Variants in NEGR1 observed in about 807,000 individuals in gnomAD.
NEGR1 encodes neuronal growth regulator 1.
Under a neutral mutation model 40.9 loss-of-function variants are expected in NEGR1, and 10 were observed. The ratio of observed to expected loss-of-function variants is 0.24; its 90% CI spans 0.15 to 0.42. The LOEUF is 0.42. Ranked by LOEUF, NEGR1 falls within the 10% of genes least tolerant of loss-of-function variation. The pLI, the probability that NEGR1 is intolerant of heterozygous loss-of-function variation, is 1.00. For missense variants in NEGR1, 352 were observed against 438.9 expected, an observed-to-expected ratio of 0.80 and a Z score of 1.77; for synonymous variants, 185 against 166.8, an observed-to-expected ratio of 1.11 and a Z score of -0.84.
At chr1:72,027,663 G>A (rs1439578793) in intron 1 of NEGR1, among the ~76,000 whole-genome samples, 1 of 152,142 alleles carries the variant, frequency 6.6e-6, no homozygotes, top group Non-Finnish European at 1.5e-5. Context: ...TAATGTTAAA[G>A]CTATATAAAT....
At chr1:71,611,762 G>A (rs1381074191) in intron 4 of NEGR1, among the ~76,000 whole-genome samples, 2 of 152,062 alleles carry the variant, frequency 1.3e-5, no homozygotes, top group East Asian at 3.9e-4. Context: ...CTTTAATGTA[G>A]TTTCTTCTGC....
chr1:72,177,894 T>C (rs1264498102), intron 1 of NEGR1, among the ~76,000 whole-genome samples: 1 of 151,920 alleles, frequency 6.6e-6, no homozygotes, highest in Non-Finnish European at 1.5e-5. Flanking sequence ...AAGGTCTCCA[T>C]TGAGAAGAGC....
At chr1:71,910,536 TG>T (rs1661397137) in intron 2 of NEGR1, among the ~76,000 whole-genome samples, 1 of 152,186 alleles carries the variant, frequency 6.6e-6, no homozygotes, top group African/African-American at 2.4e-5. Flanking sequence ...TAATTTGACT[TG>T]AAAATCCATT....
intron 3 of NEGR1, among the ~76,000 whole-genome samples, chr1:71,756,215 T>C (rs1344437869): frequency 6.6e-6 from 1 of 152,096 alleles, no homozygotes; most frequent in Non-Finnish European, 1.5e-5. Context: ...TCCTCTTCAC[T>C]TCTGTGTGAA....
chr1:71,950,532 T>C (rs909546650), intron 1 of NEGR1, among the ~76,000 whole-genome samples: 3 of 152,024 alleles, frequency 2.0e-5, no homozygotes, highest in Admixed American at 1.3e-4. Context: ...TCCTTACTGC[T>C]TTCTCTATAG....
intron 1 of NEGR1, among the ~76,000 whole-genome samples, chr1:72,123,644 T>C (rs1649892971): frequency 2.0e-5 from 3 of 151,884 alleles, no homozygotes; most frequent in Non-Finnish European, 2.9e-5. Flanking sequence ...TGGGAGGACA[T>C]GTCATAGGTA....
intron 1 of NEGR1, among the ~76,000 whole-genome samples, chr1:71,978,188 C>T (rs1289062710): frequency 1.3e-5 from 2 of 152,008 alleles, no homozygotes; most frequent in African/African-American, 4.8e-5. Flanking sequence ...ATGCTAACCC[C>T]ATCAGTTAAG....
chr1:71,588,413 T>C (rs1413605967), intron 6 of NEGR1, among the ~76,000 whole-genome samples: 1 of 152,140 alleles, frequency 6.6e-6, no homozygotes, highest in Non-Finnish European at 1.5e-5. Context: ...TCTCTCTGCC[T>C]TTCCTTCTCT....
At chr1:72,162,387 G>A (rs1651602572) in intron 1 of NEGR1, among the ~76,000 whole-genome samples, 1 of 152,018 alleles carries the variant, frequency 6.6e-6, no homozygotes, top group Admixed American at 6.6e-5. Context: ...GCTTGAACCC[G>A]GGAGGCAGAG....
chr1:71,764,111 T>C (rs983982353), intron 3 of NEGR1, among the ~76,000 whole-genome samples: 3 of 152,236 alleles, frequency 2.0e-5, no homozygotes, highest in Admixed American at 6.5e-5. Flanking sequence ...TGAAGTACTA[T>C]ATAACTATGG....
At chr1:71,441,855 A>T (rs1442094716) in intron 6 of NEGR1, among the ~76,000 whole-genome samples, 1 of 152,068 alleles carries the variant, frequency 6.6e-6, no homozygotes, top group Non-Finnish European at 1.5e-5. Context: ...AGGAGAGGAA[A>T]CCCTGCAAAA....
intron 2 of NEGR1, among the ~76,000 whole-genome samples, chr1:71,912,775 G>C (rs537283129): frequency 2.0e-5 from 3 of 151,970 alleles, no homozygotes; most frequent in Non-Finnish European, 2.9e-5. Flanking sequence ...TGTGAGAAAG[G>C]ATGAATGGAT....
At chr1:72,024,556 AGTTT>A (rs1646790020) in intron 1 of NEGR1, among the ~76,000 whole-genome samples, 1 of 152,262 alleles carries the variant, frequency 6.6e-6, no homozygotes, top group East Asian at 1.9e-4. Flanking sequence ...CATATCCACT[AGTTT>A]ATTTTCATTT....
chr1:71,548,131 C>A (rs1221212740), intron 6 of NEGR1, among the ~76,000 whole-genome samples: 1 of 151,662 alleles, frequency 6.6e-6, no homozygotes, highest in Non-Finnish European at 1.5e-5. Context: ...ATTAGAACCA[C>A]CTTGGTAAGC....
chr1:71,578,703 T>G (rs563473599), intron 6 of NEGR1, among the ~76,000 whole-genome samples: 16 of 152,236 alleles, frequency 1.1e-4, no homozygotes, highest in African/African-American at 3.6e-4. Context: ...ACATATGGTA[T>G]GAATTAATGA....
chr1:71,484,301 T>C (rs1646873750), intron 6 of NEGR1, among the ~76,000 whole-genome samples: 1 of 151,616 alleles, frequency 6.6e-6, no homozygotes, highest in Non-Finnish European at 1.5e-5. Flanking sequence ...TGCAAGACTT[T>C]TTTTTTTCAT....
intron 1 of NEGR1, among the ~76,000 whole-genome samples, chr1:71,969,698 GAAGT>G (rs1646240426): frequency 6.6e-6 from 1 of 152,190 alleles, no homozygotes; most frequent in Admixed American, 6.5e-5. Context: ...GAAAATAACA[GAAGT>G]AAGTGAAACT....
chr1:71,403,791 A>C lies in NEGR1; in HGVS notation c.*3655T>G. 2.7e-6 allele frequency: 1 copy of C among 376,234 alleles called. No individual in the cohort carries two copies. Among genetic ancestry groups the C allele is most frequent in the Non-Finnish European group, 4.8e-6 (1 of 209,916 alleles). The allele number at this position is 376,234 out of a possible 1,614,324, so 23.3% of individuals were successfully genotyped here. A position where few individuals can be genotyped will look rare whatever the true frequency, so the allele number is the denominator to read the frequency against. ...TATTGGAAACAGTACAACATATTTT[A>C]CATCAGGTTATGAAATATGGATGTT... On this transcript the variant is annotated 3_prime_UTR_variant, in exon 7 of 7. Transcript: ENST00000357731.
At chr1:71,420,607 A>G (rs1280818880) in intron 6 of NEGR1, among the ~76,000 whole-genome samples, 1 of 152,080 alleles carries the variant, frequency 6.6e-6, no homozygotes, top group Non-Finnish European at 1.5e-5. Context: ...TCAAAGCATA[A>G]CTAAATCAGA....
Sources: allele counts gnomAD v4.1 joint callset (sites outside exome capture counted in the v4.1 genomes callset), GRCh38; gene constraint gnomAD v4.1.1; transcripts MANE v1.5; gene names NCBI Gene and HGNC (gene_info 2026-07-23, HGNC 2026-07-21).